The following SLC24A2 variants were observed in gnomAD, a reference collection of about 807,000 sequenced individuals.
The protein encoded by SLC24A2 is sodium/potassium/calcium exchanger 2.
A neutral mutation model predicts 62.0 loss-of-function variants in SLC24A2; 36 were observed. That is an observed-to-expected ratio of 0.58 (90% CI 0.44 to 0.77). The LOEUF is 0.77. Among genes scored for constraint, SLC24A2 ranks in the 30% least tolerant of loss-of-function variants. The pLI is 0.00. For missense variants in SLC24A2, 846 were observed against 817.9 expected, an observed-to-expected ratio of 1.03 and a Z score of -0.42; for synonymous variants, 358 against 294.0, an observed-to-expected ratio of 1.22 and a Z score of -2.23.
At chr9:20,103,952 A>C in the SLC24A2 span, among the ~76,000 whole-genome samples, 7 of 152,188 alleles carry the variant, frequency 4.6e-5, no homozygotes, top group South Asian at 1.2e-3. Flanking sequence ...AAACTTTAAA[A>C]AAAATTTAGA....
At chr9:20,058,121 G>A in the SLC24A2 span, among the ~76,000 whole-genome samples, 3 of 152,212 alleles carry the variant, frequency 2.0e-5, no homozygotes, top group African/African-American at 7.2e-5. Context: ...ATGATGGAAA[G>A]AGGGCAGTTA....
At chr9:19,655,436 A>G in intron 2 of SLC24A2, among the ~76,000 whole-genome samples, 1 of 152,208 alleles carries the variant, frequency 6.6e-6, no homozygotes, top group East Asian at 1.9e-4. Context: ...AAATATGTTC[A>G]AAAATGAGAG....
the SLC24A2 span, among the ~76,000 whole-genome samples, chr9:20,081,326 T>C: frequency 1.3e-5 from 2 of 151,540 alleles, no homozygotes; most frequent in South Asian, 2.1e-4. Context: ...ATGTCCTTTG[T>C]AGGGACATGG....
At chr9:20,215,078 G>C in the SLC24A2 span, among the ~76,000 whole-genome samples, 10 of 152,298 alleles carry the variant, frequency 6.6e-5, no homozygotes, top group Non-Finnish European at 1.3e-4. Context: ...CAGTTCTCAA[G>C]GCTGGGAAGT....
chr9:19,910,383 T>C, the SLC24A2 span, among the ~76,000 whole-genome samples: 1 of 152,188 alleles, frequency 6.6e-6, no homozygotes, highest in Non-Finnish European at 1.5e-5. Flanking sequence ...TGTTCATCAG[T>C]GGTTATTATA....
At chr9:20,207,827 G>C in the SLC24A2 span, among the ~76,000 whole-genome samples, 2 of 138,690 alleles carry the variant, frequency 1.4e-5, no homozygotes, top group African/African-American at 6.9e-5. Flanking sequence ...ATGGTCCAGT[G>C]GGGGAGAGGG....
At chr9:19,551,654 C>T (rs571518110) in intron 7 of SLC24A2, among the ~76,000 whole-genome samples, 3 of 152,304 alleles carry the variant, frequency 2.0e-5, no homozygotes, top group African/African-American at 7.2e-5. Flanking sequence ...CAGCACCATA[C>T]ACTTTTCAAA....
At chr9:19,525,067 C>T (rs1563931610) in intron 9 of SLC24A2, among the ~76,000 whole-genome samples, 1 of 152,176 alleles carries the variant, frequency 6.6e-6, no homozygotes, top group Non-Finnish European at 1.5e-5. Flanking sequence ...GCTGTGATTT[C>T]TGCCAGGTGT....
the SLC24A2 span, among the ~76,000 whole-genome samples, chr9:19,864,368 G>GA: frequency 1.5e-3 from 216 of 147,676 alleles, 2 homozygotes; most frequent in African/African-American, 4.8e-3. Flanking sequence ...CAAAGAACCA[G>GA]AAAAAAAAAC....
the SLC24A2 span, among the ~76,000 whole-genome samples, chr9:19,937,162 A>T: frequency 6.6e-6 from 1 of 152,218 alleles, no homozygotes; most frequent in Admixed American, 6.5e-5. Context: ...GTGCCAGAGC[A>T]ATTATAGAGG....
At chr9:20,177,525 C>A in the SLC24A2 span, among the ~76,000 whole-genome samples, 1 of 151,998 alleles carries the variant, frequency 6.6e-6, no homozygotes, top group Non-Finnish European at 1.5e-5. Flanking sequence ...GTGTTGACCC[C>A]GTTAGATGAT....
chr9:19,744,637 A>G (rs941789220), intron 2 of SLC24A2, among the ~76,000 whole-genome samples: 6 of 152,326 alleles, frequency 3.9e-5, no homozygotes, highest in African/African-American at 1.4e-4. Flanking sequence ...GTAGATGGGA[A>G]TCTGGATTTA....
the SLC24A2 span, among the ~76,000 whole-genome samples, chr9:19,824,401 C>A: frequency 6.6e-6 from 1 of 151,992 alleles, no homozygotes; most frequent in Non-Finnish European, 1.5e-5. Flanking sequence ...TTTATGCAGC[C>A]AACAAACATA....
the SLC24A2 span, among the ~76,000 whole-genome samples, chr9:20,232,651 G>T: frequency 6.6e-6 from 1 of 151,900 alleles, no homozygotes; most frequent in South Asian, 2.1e-4. Context: ...TCTTGCTAGC[G>T]GTCTATCAAT....
chr9:19,870,048 T>C, the SLC24A2 span, among the ~76,000 whole-genome samples: 2 of 152,196 alleles, frequency 1.3e-5, no homozygotes, highest in Non-Finnish European at 2.9e-5. Flanking sequence ...AATATAACAC[T>C]CTGTCTTGTA....
At chr9:20,076,361 G>T in the SLC24A2 span, among the ~76,000 whole-genome samples, 1 of 152,138 alleles carries the variant, frequency 6.6e-6, no homozygotes, top group Non-Finnish European at 1.5e-5. Context: ...CCAGTTTCTT[G>T]ACTCTCCTGG....
the SLC24A2 span, among the ~76,000 whole-genome samples, chr9:20,209,604 G>C: frequency 6.6e-6 from 1 of 152,284 alleles, no homozygotes; most frequent in South Asian, 2.1e-4. Context: ...TCCCCATTCA[G>C]ACCTGAGAGC....
chr9:20,154,056 G>T, the SLC24A2 span, among the ~76,000 whole-genome samples: 178 of 151,758 alleles, frequency 1.2e-3, no homozygotes, highest in African/African-American at 4.1e-3. Flanking sequence ...TTGTTCCATT[G>T]GTTTAACTTA....
At chr9:20,198,001 C>T in the SLC24A2 span, among the ~76,000 whole-genome samples, 1 of 152,130 alleles carries the variant, frequency 6.6e-6, no homozygotes, top group Non-Finnish European at 1.5e-5. Flanking sequence ...TGAAGATTTC[C>T]CTTCCCCTTG....
Sources: allele counts gnomAD v4.1 joint callset (sites outside exome capture counted in the v4.1 genomes callset), GRCh38; gene constraint gnomAD v4.1.1; transcripts MANE v1.5; gene names NCBI Gene and HGNC (gene_info 2026-07-23, HGNC 2026-07-21).